PTPRZ1: variants seen among roughly 807,000 people sequenced by gnomAD.
The protein encoded by PTPRZ1 is receptor-type tyrosine-protein phosphatase zeta.
PTPRZ1 carries 82 observed loss-of-function variants against 214.1 expected under a neutral mutation model. That is an observed-to-expected ratio of 0.38 (90% CI 0.32 to 0.46). The LOEUF (loss-of-function observed/expected upper bound fraction) is 0.46. PTPRZ1 is among the 20% of genes least tolerant of loss of function. The pLI is 1.00. For missense variants in PTPRZ1, 2,603 were observed against 2,748.7 expected (o/e 0.95, Z 1.19); for synonymous variants, 945 against 987.9 (o/e 0.96, Z 0.81).
intron 8 of PTPRZ1, among the ~76,000 whole-genome samples, chr7:121,992,170 G>T (rs527537424): frequency 2.0e-5 from 3 of 152,040 alleles, no homozygotes; most frequent in African/African-American, 7.2e-5. Flanking sequence ...CTGCCATTTC[G>T]TATCAATCCA....
chr7:122,050,807 A>G (rs1291473880), intron 23 of PTPRZ1, among the ~76,000 whole-genome samples: 2 of 152,152 alleles, frequency 1.3e-5, no homozygotes, highest in Non-Finnish European at 2.9e-5. Context: ...AATCAAAACC[A>G]TGATATACTA....
chr7:122,023,265 G>C (rs1395176367), intron 13 of PTPRZ1, among the ~76,000 whole-genome samples: 1 of 151,226 alleles, frequency 6.6e-6, no homozygotes, highest in Non-Finnish European at 1.5e-5. Context: ...TTAGCCAAAA[G>C]ACAGAACAAA....
intron 2 of PTPRZ1, among the ~76,000 whole-genome samples, chr7:121,960,681 T>C (rs990818080): frequency 3.9e-5 from 6 of 152,200 alleles, no homozygotes; most frequent in African/African-American, 1.4e-4. Flanking sequence ...ATTTTTTTCT[T>C]TGACTTTTAT....
intron 8 of PTPRZ1, among the ~76,000 whole-genome samples, chr7:121,988,059 A>G (rs1797818905): frequency 6.6e-6 from 1 of 152,200 alleles, no homozygotes; most frequent in Non-Finnish European, 1.5e-5. Context: ...CTCCCTATCA[A>G]ATATAATGCT....
chr7:121,975,480 C>G (rs1363917882), intron 4 of PTPRZ1, among the ~76,000 whole-genome samples: 1 of 152,146 alleles, frequency 6.6e-6, no homozygotes, highest in Non-Finnish European at 1.5e-5. Flanking sequence ...TCGCCCAAAG[C>G]AGGAGCCACT....
At position 121,989,474 on chromosome 7, in the gene PTPRZ1, G is replaced by A. The variant is rs556267086; in HGVS notation, c.928+5357G>A. 7.3e-5 allele frequency among the ~76,000 whole-genome samples: 11 copies of A among 150,282 alleles called. No homozygotes were observed. In the South Asian group the frequency reaches 1.3e-3, roughly 17 times the overall value. Reference sequence around the variant, plus strand: ...ACCGCAACCTCCGCCTCCTGGGTTCGAGTGATTCTCCTGCCTCAGCCTCCC... The same window carrying A: ...ACCGCAACCTCCGCCTCCTGGGTTCAAGTGATTCTCCTGCCTCAGCCTCCC... On this transcript the variant is annotated intron_variant, in intron 8 of 29. Transcript: ENST00000393386.
chr7:121,878,433 T>C (rs1794128928), intron 1 of PTPRZ1, among the ~76,000 whole-genome samples: 1 of 152,200 alleles, frequency 6.6e-6, no homozygotes. Context: ...CTAAAGTCAT[T>C]GAAATTGTTT....
intron 1 of PTPRZ1, among the ~76,000 whole-genome samples, chr7:121,910,944 GT>G (rs1463473604): frequency 2.0e-5 from 3 of 152,136 alleles, no homozygotes; most frequent in Admixed American, 1.3e-4. Flanking sequence ...GGAAAATAAA[GT>G]TAAATTATTA....
intron 5 of PTPRZ1, 117 bp downstream of exon 5, chr7:121,976,385 C>T (rs1242027425): frequency 7.7e-6 from 5 of 647,106 alleles, no homozygotes; most frequent in Non-Finnish European, 5.0e-6. Flanking sequence ...AAAATTAAAA[C>T]TGGTGGTCAT....
intron 23 of PTPRZ1, among the ~76,000 whole-genome samples, chr7:122,047,039 C>T (rs1194179943): frequency 6.6e-6 from 1 of 152,044 alleles, no homozygotes; most frequent in Non-Finnish European, 1.5e-5. Context: ...TTCGGGACAG[C>T]GGAATATACT....
chr7:121,873,465 G>A lies in PTPRZ1; in HGVS notation c.-35G>A. The A allele has an allele frequency of 6.2e-7, 1 of 1,611,438 alleles. No individual in the cohort carries two copies. Among genetic ancestry groups the A allele is most frequent in the South Asian group, 1.1e-5 (1 of 90,806 alleles). On this transcript the variant is annotated 5_prime_UTR_variant, in exon 1 of 30. Transcript: ENST00000393386. ...TCCCTCTCCACTCTGAGAAGCAGAGGAGCCGCACGGCGAGGGGCCGCAGAC... is the reference window on the plus strand; with the variant it reads ...TCCCTCTCCACTCTGAGAAGCAGAGAAGCCGCACGGCGAGGGGCCGCAGAC...
At position 121,928,959 on chromosome 7, in the gene PTPRZ1, G is replaced by A. The variant is rs184270544; in HGVS notation, c.124+738G>A. On this transcript the variant is annotated intron_variant, in intron 2 of 29. Transcript: ENST00000393386. Reference sequence around the variant, plus strand: ...CATTAGAGTTGGGTACTCATTAGCAGTAAACTTGGGTTGATAAGATAAAGT... The same window carrying A: ...CATTAGAGTTGGGTACTCATTAGCAATAAACTTGGGTTGATAAGATAAAGT... Among the ~76,000 whole-genome samples, 15 of 152,284 alleles carry A rather than the reference G, an allele frequency of 9.9e-5. No individual in the cohort carries two copies. The East Asian group carries it at 2.5e-3, about 25-fold the overall frequency.
In PTPRZ1 at chr7:122,013,075, T is replaced by A. The variant is rs754686118; in HGVS notation, c.4029T>A (p.Ser1343=). ...AAATTTTAACCTCCACCAAAAGTTC[T>A]GTTACTGGTAAGGTATTTGCTGGTA... The part of the protein sequence containing the change: ...SDEILTSTKS[S]VTGKVFAGIP... Residue 1343 remains serine (S), a synonymous_variant, in exon 12 of 30, where the codon TCT becomes TCA. Coordinates refer to ENST00000393386, the MANE Select transcript of PTPRZ1 (RefSeq NM_002851.3). 1 of 1,613,548 alleles carries A rather than the reference T, an allele frequency of 6.2e-7. No homozygotes were observed. Among genetic ancestry groups the A allele is most frequent in the South Asian group, 1.1e-5 (1 of 91,076 alleles).
intron 5 of PTPRZ1, 78 bp from the exon 6 acceptor site, chr7:121,976,707 T>C: frequency 8.8e-7 from 1 of 1,133,420 alleles, no homozygotes; most frequent in Non-Finnish European, 1.2e-6. Flanking sequence ...AAAATGGAAT[T>C]CATTAATCTT....
At chr7:122,003,494 A>G (rs1798386694) in intron 10 of PTPRZ1, among the ~76,000 whole-genome samples, 1 of 152,146 alleles carries the variant, frequency 6.6e-6, no homozygotes, top group Non-Finnish European at 1.5e-5. Flanking sequence ...AACGCAAGAA[A>G]CTTTGTATTG....
intron 8 of PTPRZ1, among the ~76,000 whole-genome samples, chr7:121,987,593 AG>A (rs915379765): frequency 7.9e-5 from 12 of 152,128 alleles, no homozygotes; most frequent in Non-Finnish European, 2.9e-5. Context: ...TTTTAATAAT[AG>A]CCATTCTGAA....
intron 8 of PTPRZ1, among the ~76,000 whole-genome samples, chr7:121,991,139 T>A (rs1334079694): frequency 1.3e-5 from 2 of 152,198 alleles, no homozygotes; most frequent in African/African-American, 4.8e-5. Flanking sequence ...ACCTATAGAA[T>A]GGAAAAGTTA....
intron 4 of PTPRZ1, among the ~76,000 whole-genome samples, chr7:121,974,386 A>T (rs1451448957): frequency 6.6e-6 from 1 of 152,238 alleles, no homozygotes; most frequent in Non-Finnish European, 1.5e-5. Context: ...AGCCCTGAGC[A>T]ATCAAAATAC....
intron 20 of PTPRZ1, 86 bp from the exon 21 acceptor site, chr7:122,040,730 G>C: frequency 1.4e-4 from 1 of 7,154 alleles, no homozygotes; most frequent in South Asian, 5.9e-3. Context: ...TTGAAGAACC[G>C]TGTGTGTGTG....
Sources: allele counts gnomAD v4.1 joint callset (sites outside exome capture counted in the v4.1 genomes callset), GRCh38; gene constraint gnomAD v4.1.1; transcripts MANE v1.5; gene names NCBI Gene and HGNC (gene_info 2026-07-23, HGNC 2026-07-21).